Variants in SLC36A4 observed in about 807,000 individuals in gnomAD.
SLC36A4 encodes the protein neutral amino acid uniporter 4.
Under a neutral mutation model 50.5 loss-of-function variants are expected in SLC36A4, and 49 were observed. That is an observed-to-expected ratio of 0.97 (90% CI 0.77 to 1.23). The LOEUF (loss-of-function observed/expected upper bound fraction) is 1.23. SLC36A4 is among the 50% of genes most tolerant of loss of function. The pLI is 0.00. For missense variants in SLC36A4, 611 were observed against 608.4 expected (o/e 1.00, Z -0.05); for synonymous variants, 207 against 206.5 (o/e 1.00, Z -0.02).
intron 10 of SLC36A4, 57 bp downstream of exon 10, chr11:93,154,051 T>G (rs1860229652): frequency 1.2e-6 from 1 of 808,350 alleles, no homozygotes; most frequent in African/African-American, 1.8e-5. Flanking sequence ...CTTATATAGC[T>G]TTCAAGAAAT....
At chr11:93,176,093 G>A (rs917546512) in intron 6 of SLC36A4, among the ~76,000 whole-genome samples, 3 of 143,330 alleles carry the variant, frequency 2.1e-5, no homozygotes, top group East Asian at 4.2e-4. Flanking sequence ...AAGTCTCTTT[G>A]TAGGTCACTC....
chr11:93,186,126 G>A (rs1861973477), intron 1 of SLC36A4, among the ~76,000 whole-genome samples: 1 of 152,164 alleles, frequency 6.6e-6, no homozygotes, highest in African/African-American at 2.4e-5. Context: ...GAAATGTAAA[G>A]AAATGATCAA....
At chr11:93,178,796 T>A (rs1861607641) in intron 6 of SLC36A4, among the ~76,000 whole-genome samples, 1 of 152,198 alleles carries the variant, frequency 6.6e-6, no homozygotes, top group South Asian at 2.1e-4. Flanking sequence ...AAGACAAGGA[T>A]GCCCACTCTC....
At chr11:93,183,404 A>C (rs901456719) in intron 3 of SLC36A4, among the ~76,000 whole-genome samples, 1 of 152,212 alleles carries the variant, frequency 6.6e-6, no homozygotes, top group African/African-American at 2.4e-5. Flanking sequence ...TACTAAAATT[A>C]AAGCAATGCT....
chr11:93,192,727 A>C (rs1328090975), intron 1 of SLC36A4, among the ~76,000 whole-genome samples: 1 of 152,184 alleles, frequency 6.6e-6, no homozygotes, highest in Non-Finnish European at 1.5e-5. Context: ...TTCAGTTTGA[A>C]CACACCACGT....
chr11:93,166,475 A>G, intron 7 of SLC36A4: 1 of 919,088 alleles, frequency 1.1e-6, no homozygotes, highest in Non-Finnish European at 1.3e-6. Flanking sequence ...CTGGCTTTCT[A>G]CCTTATAGCT....
At position 93,171,344 on chromosome 11, in the gene SLC36A4, T is replaced by A. The variant is rs1590955923; in HGVS notation, c.541-3173A>T. On this transcript the variant is annotated intron_variant, in intron 6 of 10. Coordinates refer to ENST00000326402, the MANE Select transcript of SLC36A4 (RefSeq NM_152313.4). ...ATAAGCATTTATTTTATCGACCTTA[T>A]CTACTCTTTATGTCATACAAACACA... 4 of 152,196 alleles carry A rather than the reference T, an allele frequency of 2.6e-5. No individual in the cohort carries two copies. The East Asian group carries it at 7.7e-4, about 29-fold the overall frequency. The allele number at this position is 152,196 out of a possible 1,614,324, so 9.4% of individuals were successfully genotyped here. A position where few individuals can be genotyped will look rare whatever the true frequency, so the allele number is the denominator to read the frequency against.
chr11:93,176,590 T>C (rs980454704), intron 6 of SLC36A4, among the ~76,000 whole-genome samples: 2 of 152,190 alleles, frequency 1.3e-5, no homozygotes, highest in Admixed American at 1.3e-4. Flanking sequence ...CTGGTACCGG[T>C]TGTTCCTTTC....
chr11:93,169,709 C>T (rs1861045148), intron 6 of SLC36A4, among the ~76,000 whole-genome samples: 2 of 152,036 alleles, frequency 1.3e-5, no homozygotes, highest in African/African-American at 4.8e-5. Context: ...CAGCTCATGA[C>T]TATGTTGTAA....
chr11:93,183,846 C>T (rs1279773425), intron 3 of SLC36A4, among the ~76,000 whole-genome samples: 4 of 152,066 alleles, frequency 2.6e-5, no homozygotes, highest in East Asian at 3.9e-4. Context: ...TACAGGCATC[C>T]GCCACCACGC....
In SLC36A4 at chr11:93,154,149, A is replaced by T; in HGVS notation, c.1166T>A (p.Ile389Asn). 1 of 1,560,876 alleles carries T rather than the reference A, an allele frequency of 6.4e-7. No individual in the cohort carries two copies. The highest frequency in any genetic ancestry group is 8.6e-7 in the Non-Finnish European group (1 of 1,156,082). Residue 389 changes from isoleucine to asparagine, a missense_variant, in exon 10 of 11, where the codon ATC (isoleucine) becomes AAC (asparagine). Physicochemically the swap from Ile to Asn is moderately radical, Grantham distance 149. Transcript: ENST00000326402. ...TSKFHTKWKQICEFGIRSFLV... is the reference protein window; with the variant it reads ...TSKFHTKWKQNCEFGIRSFLV... ...GAAGGATCTTATCCCAAATTCACAGATTTGCTTCCATTTAGTATGAAATTT... is the reference window on the plus strand; with the variant it reads ...GAAGGATCTTATCCCAAATTCACAGTTTTGCTTCCATTTAGTATGAAATTT...
chr11:93,162,642 AT>A, intron 9 of SLC36A4, 63 bp downstream of exon 9: 1 of 1,303,922 alleles, frequency 7.7e-7, no homozygotes, highest in East Asian at 2.5e-5. Context: ...ACACGACTTT[AT>A]CATCAAACAG....
chr11:93,169,334 T>G (rs1432704623), intron 6 of SLC36A4, among the ~76,000 whole-genome samples: 2 of 151,978 alleles, frequency 1.3e-5, no homozygotes, highest in Non-Finnish European at 2.9e-5. Context: ...TAAGTGGTGG[T>G]TCTAGGATTC....
At chr11:93,156,304 G>A (rs1024260225) in intron 9 of SLC36A4, among the ~76,000 whole-genome samples, 4 of 151,808 alleles carry the variant, frequency 2.6e-5, no homozygotes, top group African/African-American at 9.7e-5. Flanking sequence ...TCACACTGTG[G>A]TTTTGATTTG....
At position 93,144,554 on chromosome 11, in the gene SLC36A4, T is replaced by C. The variant is rs1859813229; in HGVS notation, c.*3983A>G. On this transcript the variant is annotated 3_prime_UTR_variant, in exon 11 of 11. Coordinates refer to ENST00000326402, the MANE Select transcript of SLC36A4 (RefSeq NM_152313.4). The stretch of plus-strand genomic sequence containing the variant: ...GCATGTAGGAACTAGCTAATTTTAA[T>C]ATGAAATTTTAAGAATCAAGAGTGA... 1 of 152,072 alleles carries C rather than the reference T, an allele frequency of 6.6e-6. No individual in the cohort carries two copies. Among genetic ancestry groups the C allele is most frequent in the Non-Finnish European group, 1.5e-5 (1 of 67,972 alleles). The allele number at this position is 152,072 out of a possible 1,614,324, so 9.4% of individuals were successfully genotyped here.
intron 4 of SLC36A4, 126 bp from the exon 5 acceptor site, chr11:93,181,912 G>T: frequency 1.4e-6 from 1 of 730,024 alleles, no homozygotes. Context: ...ACTGACAAAT[G>T]AGTTACCAAA....
In SLC36A4 at chr11:93,145,015, T is replaced by C. The variant is rs896934542; in HGVS notation, c.*3522A>G. 1 of 152,008 alleles carries C rather than the reference T, an allele frequency of 6.6e-6. No homozygotes were observed. The highest frequency in any genetic ancestry group is 2.4e-5 in the African/African-American group (1 of 41,430). The allele number at this position is 152,008 out of a possible 1,614,324, so 9.4% of individuals were successfully genotyped here. On this transcript the variant is annotated 3_prime_UTR_variant, in exon 11 of 11. Transcript: ENST00000326402. ...TTCTCCTTTTAAATGAAGAAAGAAG[T>C]GAGGTCAAGACCTAGTTTGTGTATA...
rs1321378086 is a variant in SLC36A4, at chr11:93,168,090, C to T, written c.622G>A (p.Asp208Asn). 2 of 1,612,238 alleles carry T rather than the reference C, an allele frequency of 1.2e-6. No individual in the cohort carries two copies. The highest frequency in any genetic ancestry group is 1.7e-6 in the Non-Finnish European group (2 of 1,178,916). ...SSNPCERRSVDLRIYMLCFLP... is the reference protein window; with the variant it reads ...SSNPCERRSVNLRIYMLCFLP... ...AAGCAAAGCATATATATCCTTAGGT[C>T]AACACTTCTTCTCTCACAAGGGTTT... The change falls in exon 7 of 11, where the codon GAC (aspartate) becomes AAC (asparagine). Residue 208 changes from aspartate (D) to asparagine (N), a missense_variant. Coordinates refer to ENST00000326402, the MANE Select transcript of SLC36A4 (RefSeq NM_152313.4).
At chr11:93,161,957 C>G (rs960227761) in intron 9 of SLC36A4, among the ~76,000 whole-genome samples, 1 of 152,044 alleles carries the variant, frequency 6.6e-6, no homozygotes, top group East Asian at 1.9e-4. Flanking sequence ...AGATGATGCA[C>G]CATTTTGTTT....
Sources: gnomAD v4.1 joint callset for allele counts (sites outside exome capture counted in the v4.1 genomes callset) on GRCh38, gnomAD v4.1.1 for gene constraint, MANE v1.5 for transcripts, NCBI Gene and HGNC (gene_info 2026-07-23, HGNC 2026-07-21) for gene names.